Variants in IFT74 observed in about 807,000 individuals in gnomAD.
The protein encoded by IFT74 is intraflagellar transport 74.
IFT74 carries 92 observed loss-of-function variants against 96.7 expected under a neutral mutation model. The ratio of observed to expected loss-of-function variants is 0.95; its 90% confidence interval spans 0.80 to 1.13. IFT74 has a LOEUF of 1.13. IFT74 is among the 50% of genes most tolerant of loss of function. IFT74 has a pLI of 0.00. For missense variants in IFT74, 811 were observed against 698.2 expected (o/e 1.16, Z -1.82); for synonymous variants, 223 against 213.2 (o/e 1.05, Z -0.40).
intron 4 of IFT74, chr9:26,982,344 A>G (rs896083947): frequency 4.5e-6 from 2 of 444,094 alleles, no homozygotes; most frequent in African/African-American, 2.0e-5. Context: ...CGTCACTGCA[A>G]CTTCCACCGC....
intron 1 of IFT74, among the ~76,000 whole-genome samples, chr9:26,961,173 C>T (rs1826340418): frequency 6.7e-6 from 1 of 148,494 alleles, no homozygotes; most frequent in African/African-American, 2.5e-5. Context: ...TCACTGCAAA[C>T]TCTGCTTCCC....
chr9:26,954,354 C>T (rs551065634), upstream of IFT74, among the ~76,000 whole-genome samples: 4 of 152,312 alleles, frequency 2.6e-5, no homozygotes, highest in East Asian at 3.9e-4. Flanking sequence ...GGCAACTGCT[C>T]AAACTTTAAC....
At chr9:26,989,580 A>G (rs1587296407) in intron 7 of IFT74, among the ~76,000 whole-genome samples, 1 of 152,194 alleles carries the variant, frequency 6.6e-6, no homozygotes, top group Non-Finnish European at 1.5e-5. Flanking sequence ...TTCTCAAACC[A>G]TGATAATTTA....
chr9:27,053,979 A>G lies in IFT74; in HGVS notation c.1334-1630A>G, dbSNP rs142120942. ...AACATTTAAGTTTTGCTATATACATATTTGTATTTACGTGTACATACACAT... is the reference window on the plus strand; with the variant it reads ...AACATTTAAGTTTTGCTATATACATGTTTGTATTTACGTGTACATACACAT... On this transcript the variant is annotated intron_variant, in intron 16 of 19. Transcript: ENST00000380062. 1.5e-3 allele frequency among the ~76,000 whole-genome samples: 234 copies of G among 152,298 alleles called. 2 individuals are homozygous for G. Among genetic ancestry groups the G allele is most frequent in the African/African-American group, 5.4e-3 (225 of 41,560 alleles).
intron 1 of IFT74, among the ~76,000 whole-genome samples, chr9:26,950,554 A>T (rs938628680): frequency 1.3e-5 from 2 of 152,204 alleles, no homozygotes; most frequent in Non-Finnish European, 2.9e-5. Flanking sequence ...TAAGCAAAAA[A>T]CAAACTAACA....
chr9:27,019,518 G>T (rs185147619), intron 12 of IFT74, among the ~76,000 whole-genome samples: 119 of 150,690 alleles, frequency 7.9e-4, no homozygotes, highest in Non-Finnish European at 1.5e-3. Context: ...GGTGAGCCTT[G>T]AAAACTAAGA....
intron 8 of IFT74, among the ~76,000 whole-genome samples, chr9:26,991,312 C>T (rs181326368): frequency 9.9e-5 from 15 of 152,274 alleles, no homozygotes; most frequent in African/African-American, 3.6e-4. Context: ...CAGCCTTGAA[C>T]ACCTGGGTTC....
chr9:27,034,454 A>G (rs1188284621), intron 13 of IFT74, among the ~76,000 whole-genome samples: 1 of 152,222 alleles, frequency 6.6e-6, no homozygotes, highest in Non-Finnish European at 1.5e-5. Flanking sequence ...GGTTAGGACC[A>G]TTGTTTCTTT....
intron 2 of IFT74, among the ~76,000 whole-genome samples, chr9:26,972,374 A>G (rs1216506878): frequency 6.6e-6 from 1 of 152,162 alleles, no homozygotes; most frequent in East Asian, 1.9e-4. Flanking sequence ...AATGGACTGG[A>G]TGCATTGAGG....
At chr9:27,024,187 A>C (rs533614375) in intron 12 of IFT74, among the ~76,000 whole-genome samples, 26 of 152,342 alleles carry the variant, frequency 1.7e-4, no homozygotes, top group African/African-American at 6.3e-4. Flanking sequence ...TGACAGCTTC[A>C]CTGCCAGCAT....
At chr9:26,952,519 C>T (rs1028790125), upstream of IFT74, among the ~76,000 whole-genome samples, 2 of 152,086 alleles carry the variant, frequency 1.3e-5, no homozygotes, top group Non-Finnish European at 2.9e-5. Context: ...TCAGGTGATC[C>T]GCCTGCCTAG....
upstream of IFT74, among the ~76,000 whole-genome samples, chr9:26,952,497 G>A (rs753805916): frequency 4.6e-5 from 7 of 151,970 alleles, no homozygotes; most frequent in Non-Finnish European, 7.4e-5. Flanking sequence ...GGCTGGTCTC[G>A]AACTCTTGAC....
chr9:27,015,484 A>T (rs2131614983), intron 10 of IFT74, among the ~76,000 whole-genome samples: 1 of 152,248 alleles, frequency 6.6e-6, no homozygotes, highest in African/African-American at 2.4e-5. Flanking sequence ...TAAAAATACA[A>T]AAATTAGCTG....
At chr9:26,982,143 A>T in intron 4 of IFT74, 1 of 186,154 alleles carries the variant, frequency 5.4e-6, no homozygotes, top group Non-Finnish European at 1.1e-5. Context: ...GTTACCAGCT[A>T]CATCTAATAA....
intron 10 of IFT74, among the ~76,000 whole-genome samples, chr9:27,015,312 T>C (rs1829288307): frequency 6.6e-6 from 1 of 152,168 alleles, no homozygotes; most frequent in Admixed American, 6.5e-5. Context: ...ACTCGTTCCT[T>C]TTTTGGAGGT....
intron 2 of IFT74, among the ~76,000 whole-genome samples, chr9:26,975,086 A>G (rs1217720813): frequency 6.6e-6 from 1 of 152,012 alleles, no homozygotes; most frequent in African/African-American, 2.4e-5. Context: ...GGTTATAAGG[A>G]GGAGGAATAA....
At chr9:27,006,448 T>C (rs1828779776) in intron 8 of IFT74, among the ~76,000 whole-genome samples, 1 of 151,972 alleles carries the variant, frequency 6.6e-6, no homozygotes, top group Non-Finnish European at 1.5e-5. Flanking sequence ...AAATAAAAAG[T>C]AAAAACATTA....
Position 27,064,938 on chromosome 9 carries a change from C to G in IFT74, c.*2202C>G, listed in dbSNP as rs1820563799. 3.3e-5 allele frequency among the ~76,000 whole-genome samples: 5 copies of G among 151,808 alleles called. No individual in the cohort carries two copies. ...GATGTACATTTAATACTTAGAAATG[C>G]AATAAAATTCAAATAAAGTACTATA... On this transcript the variant is annotated 3_prime_UTR_variant, in exon 20 of 20. Transcript: ENST00000380062.
chr9:27,021,877 G>A (rs569806704), intron 12 of IFT74, among the ~76,000 whole-genome samples: 2 of 152,014 alleles, frequency 1.3e-5, no homozygotes, highest in Admixed American at 6.6e-5. Context: ...TTTGCTTTTA[G>A]GTTCTTTCAG....
Sources: allele counts gnomAD v4.1 joint callset (sites outside exome capture counted in the v4.1 genomes callset), GRCh38; gene constraint gnomAD v4.1.1; transcripts MANE v1.5; gene names NCBI Gene and HGNC (gene_info 2026-07-23, HGNC 2026-07-21).